The following DHRS7B variants were observed in gnomAD, a reference collection of about 807,000 sequenced individuals.
DHRS7B encodes the protein peroxisomal reductase activating PPAR-gamma.
Under a neutral mutation model 26.4 loss-of-function variants are expected in DHRS7B, and 24 were observed. That is an observed-to-expected ratio of 0.91 (90% CI 0.66 to 1.28). DHRS7B has a LOEUF of 1.28. Ranked by LOEUF, DHRS7B falls within the 50% of genes most tolerant of loss-of-function variation. DHRS7B has a pLI of 0.00. For missense variants in DHRS7B, 368 were observed against 419.4 expected, an observed-to-expected ratio of 0.88 and a Z score of 1.07; for synonymous variants, 142 against 166.4, an observed-to-expected ratio of 0.85 and a Z score of 1.13.
chr17:21,186,242 C>T (rs904885443), intron 5 of DHRS7B, among the ~76,000 whole-genome samples: 27 of 152,234 alleles, frequency 1.8e-4, no homozygotes, highest in Non-Finnish European at 2.6e-4. Flanking sequence ...GACCAAGTCA[C>T]GTGGTCCACA....
At position 21,138,062 on chromosome 17, in the gene DHRS7B, C is replaced by CT. The variant is rs201614893; in HGVS notation, c.20+11075dup. Among the ~76,000 whole-genome samples, 317 of 49,520 alleles carry CT rather than the reference C, an allele frequency of 6.4e-3. 23 individuals are homozygous for CT. Among genetic ancestry groups the CT allele is most frequent in the Middle Eastern group, 0.021 (2 of 96 alleles). The allele number at this position is 49,520 out of a possible 152,430, so 32.5% of individuals were successfully genotyped here. A position where few individuals can be genotyped will look rare whatever the true frequency, so the allele number is the denominator to read the frequency against. ...TTCTGGGATTACAGGTGCCCGGCCT[C>CT]TTTTAAAAAAAAAATATATATATAT... On this transcript the variant is annotated intron_variant, in intron 1 of 6. Transcript: ENST00000395511.
chr17:21,188,809 A>G lies in DHRS7B; in HGVS notation c.718A>G (p.Ile240Val), dbSNP rs780583208. ...IEVTVISPGY[I>V]HTNLSVNAIT... ...GGTGACCGTCATCAGCCCCGGCTAC[A>G]TCCACACCAACCTCTCTGTAAATGC... is the stretch of plus-strand genomic sequence containing the variant. The change falls in exon 6 of 7, where the codon ATC (isoleucine) becomes GTC (valine). Residue 240 changes from isoleucine (I) to valine (V), a missense_variant. Ile to Val is a conservative substitution (Grantham distance 29, BLOSUM62 3). Transcript: ENST00000395511. 4.8e-5 allele frequency: 78 copies of G among 1,614,068 alleles called. No individual in the cohort carries two copies. The Admixed American group carries it at 1.3e-3, about 26-fold the overall frequency.
At chr17:21,178,392 G>C in intron 3 of DHRS7B, 50 bp downstream of exon 3, 1 of 1,488,896 alleles carries the variant, frequency 6.7e-7, no homozygotes, top group African/African-American at 1.4e-5. Flanking sequence ...GCCGTCTTCT[G>C]TAGGCACTGA....
At position 21,172,147 on chromosome 17, in the gene DHRS7B, G is replaced by T; in HGVS notation, c.150G>T (p.Leu50=). The change falls in exon 2 of 7, where the codon CTG becomes CTT. Residue 50 remains leucine (L), a synonymous_variant. Transcript: ENST00000395511. The stretch of plus-strand genomic sequence containing the variant: ...AGTGGGTGCGCGGGAAGGCCTACCT[G>T]CGGAATGCTGTGGTGGTGATCACAG... ...LLQWVRGKAY[L]RNAVVVITGA... 1 of 1,613,978 alleles carries T rather than the reference G, an allele frequency of 6.2e-7. No homozygotes were observed. Among genetic ancestry groups the T allele is most frequent in the Non-Finnish European group, 8.5e-7 (1 of 1,179,932 alleles).
At chr17:21,133,180 T>C (rs1195341627) in intron 1 of DHRS7B, among the ~76,000 whole-genome samples, 1 of 152,222 alleles carries the variant, frequency 6.6e-6, no homozygotes, top group Non-Finnish European at 1.5e-5. Context: ...TCAATAGCCA[T>C]GTATGGTACT....
intron 1 of DHRS7B, among the ~76,000 whole-genome samples, chr17:21,147,950 T>C (rs1038470215): frequency 6.6e-6 from 1 of 152,096 alleles, no homozygotes; most frequent in African/African-American, 2.4e-5. Context: ...GCACCATGGC[T>C]CAAGCCTGTA....
intron 1 of DHRS7B, among the ~76,000 whole-genome samples, chr17:21,130,808 A>C (rs1281713471): frequency 2.0e-5 from 3 of 152,226 alleles, no homozygotes; most frequent in Non-Finnish European, 4.4e-5. Context: ...TTATACACAT[A>C]AGAAACCTTT....
intron 1 of DHRS7B, among the ~76,000 whole-genome samples, chr17:21,136,461 G>A (rs528084285): frequency 2.6e-5 from 4 of 151,604 alleles, no homozygotes; most frequent in Non-Finnish European, 4.4e-5. Flanking sequence ...GTGGTGAGCC[G>A]AGATCACACC....
At position 21,141,619 on chromosome 17, in the gene DHRS7B, C is replaced by CAAAAAAAAA. The variant is rs71357469; in HGVS notation, c.20+14641_20+14649dup. On this transcript the variant is annotated intron_variant, in intron 1 of 6. Coordinates refer to ENST00000395511, the MANE Select transcript of DHRS7B (RefSeq NM_015510.5). ...AGACTGGTTTCTACCAGCAAGAAAGCAAAAAAAAAAAAAAAAAAAAACAAC... is the reference window on the plus strand; with the variant it reads ...AGACTGGTTTCTACCAGCAAGAAAGCAAAAAAAAAAAAAAAAAAAAAAAAAAAAAACAAC... Among the ~76,000 whole-genome samples the CAAAAAAAAA allele has an allele frequency of 3.3e-3, 47 of 14,322 alleles. 2 individuals are homozygous for CAAAAAAAAA. The highest frequency in any genetic ancestry group is 0.015 in the South Asian group (3 of 204). 9.4% of individuals were successfully genotyped at this position (14,322 alleles called of 152,430 possible).
intron 1 of DHRS7B, among the ~76,000 whole-genome samples, chr17:21,144,775 G>A (rs757120704): frequency 2.6e-5 from 4 of 152,110 alleles, no homozygotes; most frequent in South Asian, 2.1e-4. Flanking sequence ...CCCAGATCAC[G>A]CCACTGCCCT....
At chr17:21,148,142 T>A (rs1973681899) in intron 1 of DHRS7B, among the ~76,000 whole-genome samples, 1 of 152,042 alleles carries the variant, frequency 6.6e-6, no homozygotes, top group African/African-American at 2.4e-5. Context: ...GTCAAACTCC[T>A]GGGCTCAAGC....
intron 1 of DHRS7B, among the ~76,000 whole-genome samples, chr17:21,140,538 A>ACACACCC (rs972677956): frequency 3.7e-5 from 5 of 134,852 alleles, no homozygotes; most frequent in South Asian, 2.4e-4. Context: ...ACACACACAC[A>ACACACCC]CCCTGACACC....
rs965147589 is a variant in DHRS7B at position 21,126,976 on chromosome 17, T to G, written c.5T>G (p.Val2Gly). The change falls in exon 1 of 7, where the codon GTC becomes GGC. Residue 2 changes from valine to glycine, a missense_variant. Val to Gly is a moderately radical substitution (Grantham distance 109, BLOSUM62 -3). Coordinates refer to ENST00000395511, the MANE Select transcript of DHRS7B (RefSeq NM_015510.5). ...GGAGGATGAAGTTGATTGACTATGG[T>G]CTCTCCGGCTACCAGGTAGGGGCTG... MVSPATRKSLPK... is the reference protein window; with the variant it reads MGSPATRKSLPK... 1.3e-6 allele frequency: 2 copies of G among 1,535,642 alleles called. No individual in the cohort carries two copies. The highest frequency in any genetic ancestry group is 1.8e-6 in the Non-Finnish European group (2 of 1,140,422).
intron 1 of DHRS7B, among the ~76,000 whole-genome samples, chr17:21,135,063 GACA>G (rs1311367721): frequency 6.6e-6 from 1 of 152,126 alleles, no homozygotes; most frequent in Non-Finnish European, 1.5e-5. Flanking sequence ...ACCAAAACAA[GACA>G]ACAATTGTCT....
intron 1 of DHRS7B, among the ~76,000 whole-genome samples, chr17:21,131,231 C>G (rs1424704717): frequency 6.6e-6 from 1 of 152,218 alleles, no homozygotes; most frequent in Non-Finnish European, 1.5e-5. Flanking sequence ...GGCAAAGCAG[C>G]CCTGAGGGCT....
At position 21,188,770 on chromosome 17, in the gene DHRS7B, C is replaced by G. The variant is rs1974707975; in HGVS notation, c.679C>G (p.Gln227Glu). 2 of 1,613,674 alleles carry G rather than the reference C, an allele frequency of 1.2e-6. No individual in the cohort carries two copies. Among genetic ancestry groups the G allele is most frequent in the South Asian group, 1.1e-5 (1 of 90,946 alleles). ...FFDCLRAEME[Q>E]YEIEVTVISP... Reference sequence around the variant, plus strand: ...TGACTGTCTGCGTGCCGAGATGGAACAGTATGAAATTGAGGTGACCGTCAT... The same window carrying G: ...TGACTGTCTGCGTGCCGAGATGGAAGAGTATGAAATTGAGGTGACCGTCAT... The change falls in exon 6 of 7, where the codon CAG becomes GAG. Residue 227 changes from glutamine (Q) to glutamate (E), a missense_variant. Gln to Glu is a conservative substitution (Grantham distance 29, BLOSUM62 2). Transcript: ENST00000395511.
At chr17:21,182,270 G>A (rs1367030357) in intron 3 of DHRS7B, among the ~76,000 whole-genome samples, 1 of 151,922 alleles carries the variant, frequency 6.6e-6, no homozygotes, top group Admixed American at 6.6e-5. Context: ...TTTTTGAGAA[G>A]GAGTTTTTGC....
rs148913790 is a variant in DHRS7B, at chr17:21,132,111, C to A, written c.20+5120C>A. Reference sequence around the variant, plus strand: ...AAAGAATGATTTGCAGATCAGCAGCCTCTGGAACTAGAATAGGTTCAGAGT... The same window carrying A: ...AAAGAATGATTTGCAGATCAGCAGCATCTGGAACTAGAATAGGTTCAGAGT... On this transcript the variant is annotated intron_variant, in intron 1 of 6. Transcript: ENST00000395511. Among the ~76,000 whole-genome samples, 43 of 152,230 alleles carry A rather than the reference C, an allele frequency of 2.8e-4. 2 individuals carry two copies. The South Asian group carries it at 5.2e-3, about 18-fold the overall frequency.
rs116028988 is a variant in DHRS7B at position 21,178,054 on chromosome 17, T to A, written c.200-179T>A. Reference sequence around the variant, plus strand: ...CCTTTCTCTTTGCCCTGTGGATGTTTGTAGCACTGGGCGTGAGCCCGGCAT... The same window carrying A: ...CCTTTCTCTTTGCCCTGTGGATGTTAGTAGCACTGGGCGTGAGCCCGGCAT... On this transcript the variant is annotated intron_variant, in intron 2 of 6. Coordinates refer to ENST00000395511, the MANE Select transcript of DHRS7B (RefSeq NM_015510.5). Among the ~76,000 whole-genome samples the A allele has an allele frequency of 9.6e-3, 1,469 of 152,368 alleles. 33 individuals carry two copies. The highest frequency in any genetic ancestry group is 0.033 in the African/African-American group (1,390 of 41,592).
Sources: gnomAD v4.1 joint callset for allele counts (sites outside exome capture counted in the v4.1 genomes callset) on GRCh38, gnomAD v4.1.1 for gene constraint, MANE v1.5 for transcripts, NCBI Gene and HGNC (gene_info 2026-07-23, HGNC 2026-07-21) for gene names.